Variants in LRCH3 observed in about 807,000 individuals in gnomAD.
LRCH3 encodes the protein leucine rich repeats and calponin homology domain containing 3.
LRCH3 carries 68 observed loss-of-function variants against 104.5 expected under a neutral mutation model. That is an observed-to-expected ratio of 0.65 (90% CI 0.54 to 0.80). The LOEUF is 0.80. LRCH3 is among the 30% of genes least tolerant of loss of function. LRCH3 has a pLI of 0.00. For missense variants in LRCH3, 951 were observed against 953.9 expected (o/e 1.00, Z 0.04); for synonymous variants, 344 against 361.3 (o/e 0.95, Z 0.54).
intron 1 of LRCH3, among the ~76,000 whole-genome samples, chr3:197,804,948 G>T (rs1732307317): frequency 6.6e-6 from 1 of 151,266 alleles, no homozygotes; most frequent in African/African-American, 2.4e-5. Context: ...AGGCTGGAGT[G>T]CAGTGGTGTG....
At chr3:197,840,449 T>TC (rs1399796791) in intron 10 of LRCH3, among the ~76,000 whole-genome samples, 1 of 139,098 alleles carries the variant, frequency 7.2e-6, no homozygotes, top group Non-Finnish European at 1.5e-5. Context: ...AGACTGAGAC[T>TC]CCATCTCAAA....
intron 15 of LRCH3, among the ~76,000 whole-genome samples, chr3:197,861,841 G>C (rs2109469222): frequency 6.6e-6 from 1 of 152,058 alleles, no homozygotes; most frequent in Admixed American, 6.5e-5. Context: ...GCCTCACAGT[G>C]ATTTAAGCTA....
In LRCH3 at chr3:197,881,034, G is replaced by A. The variant is rs1044519415; in HGVS notation, c.2209-2507G>A. On this transcript the variant is annotated intron_variant, in intron 20 of 20. Coordinates refer to ENST00000425562, the MANE Select transcript of LRCH3 (RefSeq NM_001365715.1). ...TAATACAATTCTGAACTTGTACTTC[G>A]AATATGACATGTAGAGCTTTATTTC... 3.4e-5 allele frequency: 40 copies of A among 1,178,558 alleles called. No individual in the cohort carries two copies. In the East Asian group the frequency reaches 1.3e-3, roughly 38 times the overall value. 73.0% of individuals were successfully genotyped at this position (1,178,558 alleles called of 1,614,324 possible). A position where few individuals can be genotyped will look rare whatever the true frequency, so the allele number is the denominator to read the frequency against.
chr3:197,848,209 G>A (rs9325406), intron 12 of LRCH3, 188 bp downstream of exon 12: 11,637 of 564,072 alleles, frequency 0.021, 1,057 homozygotes, highest in African/African-American at 0.2. Flanking sequence ...TGATTATCTT[G>A]TTAACGGTAA....
chr3:197,852,757 T>C (rs1377991268), intron 13 of LRCH3, 137 bp downstream of exon 13: 4 of 849,242 alleles, frequency 4.7e-6, no homozygotes, highest in Non-Finnish European at 7.5e-6. Flanking sequence ...ATTCTCCTTA[T>C]GAGGGAGATG....
Position 197,883,021 on chromosome 3 carries a change from C to T in LRCH3, c.2209-520C>T, listed in dbSNP as rs769552284. ...TTCTTGCCCTATCTGGTCTGGAAACCCTGGTTTTCACAGTCAGGATTATAA... is the reference window on the plus strand; with the variant it reads ...TTCTTGCCCTATCTGGTCTGGAAACTCTGGTTTTCACAGTCAGGATTATAA... On this transcript the variant is annotated intron_variant, in intron 20 of 20. Transcript: ENST00000425562. The surrounding 1 kb of genome is among the most constrained non-coding windows in gnomAD (Gnocchi z 4.2). 27 of 985,272 alleles carry T rather than the reference C, an allele frequency of 2.7e-5. No individual in the cohort carries two copies. Among genetic ancestry groups the T allele is most frequent in the Non-Finnish European group, 3.3e-5 (27 of 829,944 alleles). 61.0% of individuals were successfully genotyped at this position (985,272 alleles called of 1,614,324 possible).
At chr3:197,882,643 T>G (rs1219640651) in intron 20 of LRCH3, 1 of 975,562 alleles carries the variant, frequency 1.0e-6, no homozygotes, top group Non-Finnish European at 1.2e-6. Context: ...CTTTTTGGAA[T>G]ATTTAATCTT....
intron 20 of LRCH3, among the ~76,000 whole-genome samples, chr3:197,877,734 A>G (rs1380763501): frequency 6.6e-6 from 1 of 152,074 alleles, no homozygotes; most frequent in Non-Finnish European, 1.5e-5. Flanking sequence ...GTAGATCATC[A>G]TTCTATTATT....
chr3:197,806,342 G>A (rs935943343), intron 1 of LRCH3, among the ~76,000 whole-genome samples: 1 of 151,880 alleles, frequency 6.6e-6, no homozygotes, highest in Non-Finnish European at 1.5e-5. Flanking sequence ...GCCCAGGCTG[G>A]TCTCAAACTC....
rs2109431176 is a variant in LRCH3, at chr3:197,854,998, C to T, written c.1644+553C>T. On this transcript the variant is annotated intron_variant, in intron 14 of 20. Coordinates refer to ENST00000425562, the MANE Select transcript of LRCH3 (RefSeq NM_001365715.1). The surrounding 1 kb of genome is among the most constrained non-coding windows in gnomAD (Gnocchi z 4.5). Reference sequence around the variant, plus strand: ...GGCTTACTTTTATTGCCTGTTTCATCAGCTCAAAATGAGTATAAGATGGAA... The same window carrying T: ...GGCTTACTTTTATTGCCTGTTTCATTAGCTCAAAATGAGTATAAGATGGAA... Among the ~76,000 whole-genome samples the T allele has an allele frequency of 6.6e-6, 1 of 152,334 alleles. No individual in the cohort carries two copies. Among genetic ancestry groups the T allele is most frequent in the Non-Finnish European group, 1.5e-5 (1 of 68,034 alleles).
intron 15 of LRCH3, among the ~76,000 whole-genome samples, chr3:197,865,208 C>T (rs530254788): frequency 2.0e-5 from 3 of 152,244 alleles, no homozygotes; most frequent in Admixed American, 2.0e-4. Context: ...AGGCTGGTCT[C>T]AACTCCTGCT....
chr3:197,858,502 G>A (rs1238820119), intron 14 of LRCH3, among the ~76,000 whole-genome samples: 2 of 151,896 alleles, frequency 1.3e-5, no homozygotes, highest in Non-Finnish European at 2.9e-5. Context: ...CGTAGGAACA[G>A]GACTCACTAG....
chr3:197,845,838 G>T (rs945173997), intron 10 of LRCH3, among the ~76,000 whole-genome samples: 2 of 152,228 alleles, frequency 1.3e-5, no homozygotes, highest in African/African-American at 4.8e-5. Context: ...CTGGGAGGTG[G>T]AGGTTGTGGT....
intron 20 of LRCH3, among the ~76,000 whole-genome samples, chr3:197,879,471 C>A (rs906646261): frequency 6.6e-6 from 1 of 151,000 alleles, no homozygotes; most frequent in Non-Finnish European, 1.5e-5. Context: ...ATGGTGAAAC[C>A]CCGTCTCTAC....
chr3:197,855,408 C>T (rs77970514), intron 14 of LRCH3, among the ~76,000 whole-genome samples: 108 of 152,298 alleles, frequency 7.1e-4, no homozygotes, highest in African/African-American at 2.5e-3. Context: ...GAGCCTCCGA[C>T]GATCCAAACA....
chr3:197,811,523 T>G (rs567979137), intron 1 of LRCH3, among the ~76,000 whole-genome samples: 40 of 152,172 alleles, frequency 2.6e-4, no homozygotes, highest in African/African-American at 9.6e-4. Context: ...GCTGATTGGG[T>G]AAGGATGATG....
Position 197,883,345 on chromosome 3 carries a change from A to C in LRCH3, c.2209-196A>C. 1 of 1,381,040 alleles carries C rather than the reference A, an allele frequency of 7.2e-7. No individual in the cohort carries two copies. The highest frequency in any genetic ancestry group is 9.4e-7 in the Non-Finnish European group (1 of 1,068,708). The allele number at this position is 1,381,040 out of a possible 1,614,324, so 85.5% of individuals were successfully genotyped here. Reference sequence around the variant, plus strand: ...ATGATCTGTATGTACTTTTAGTTGTATTAATAAAGTGACAGTGAGTGTCAG... The same window carrying C: ...ATGATCTGTATGTACTTTTAGTTGTCTTAATAAAGTGACAGTGAGTGTCAG... On this transcript the variant is annotated intron_variant, in intron 20 of 20. Coordinates refer to ENST00000425562, the MANE Select transcript of LRCH3 (RefSeq NM_001365715.1). The surrounding 1 kb of genome is among the most constrained non-coding windows in gnomAD (Gnocchi z 4.2).
intron 20 of LRCH3, among the ~76,000 whole-genome samples, chr3:197,879,515 G>T (rs2015231): frequency 1.3e-5 from 2 of 148,618 alleles, no homozygotes; most frequent in Non-Finnish European, 2.9e-5. Context: ...GCGTGGTGGC[G>T]GGCGCCTGTA....
intron 1 of LRCH3, among the ~76,000 whole-genome samples, chr3:197,812,287 C>T (rs1240069322): frequency 2.0e-5 from 3 of 152,102 alleles, no homozygotes; most frequent in African/African-American, 4.8e-5. Flanking sequence ...TGGCATATTT[C>T]ACTCCATAAT....
Sources: gnomAD v4.1 joint callset for allele counts (sites outside exome capture counted in the v4.1 genomes callset) on GRCh38, gnomAD v4.1.1 for gene constraint, Gnocchi (gnomAD v3.1) non-coding constraint, MANE v1.5 for transcripts, NCBI Gene and HGNC (gene_info 2026-07-23, HGNC 2026-07-21) for gene names.